Variants in COLGALT2 observed in about 807,000 individuals in gnomAD.
COLGALT2 encodes procollagen galactosyltransferase 2.
Under a neutral mutation model 73.4 loss-of-function variants are expected in COLGALT2, and 49 were observed. That is an observed-to-expected ratio of 0.67 (90% CI 0.53 to 0.85). COLGALT2 has a LOEUF of 0.85. Ranked by LOEUF, COLGALT2 falls within the 40% of genes least tolerant of loss-of-function variation. The pLI, the probability that COLGALT2 is intolerant of heterozygous loss-of-function variation, is 0.00. For synonymous variants in COLGALT2, 295 were observed against 307.6 expected (o/e 0.96, Z 0.43); for missense variants, 722 against 790.2 (o/e 0.91, Z 1.03).
At chr1:184,032,558 G>A (rs1649548329) in intron 1 of COLGALT2, among the ~76,000 whole-genome samples, 1 of 152,166 alleles carries the variant, frequency 6.6e-6, no homozygotes, top group African/African-American at 2.4e-5. Context: ...TCCAACTCTG[G>A]TTGATGCCCT....
At chr1:183,940,486 C>A (rs1457550863) in intron 11 of COLGALT2, 95 bp downstream of exon 11, 3 of 1,130,610 alleles carry the variant, frequency 2.7e-6, no homozygotes, top group African/African-American at 1.5e-5. Context: ...GAAAGCAGTA[C>A]AACTTTAGAA....
chr1:183,966,208 A>G (rs1670867033), intron 5 of COLGALT2, among the ~76,000 whole-genome samples: 2 of 152,206 alleles, frequency 1.3e-5, no homozygotes, highest in African/African-American at 2.4e-5. Flanking sequence ...AGAAAATTTA[A>G]AAGAAAATGT....
At chr1:184,035,968 C>T (rs747190876) in intron 1 of COLGALT2, among the ~76,000 whole-genome samples, 41 of 152,226 alleles carry the variant, frequency 2.7e-4, no homozygotes, top group Non-Finnish European at 3.2e-4. Flanking sequence ...TCTGAGGCTG[C>T]CAATTCTAGC....
chr1:184,012,126 T>C (rs1241429014), intron 1 of COLGALT2, among the ~76,000 whole-genome samples: 5 of 152,348 alleles, frequency 3.3e-5, no homozygotes, highest in Non-Finnish European at 5.9e-5. Context: ...CTCTCATGCA[T>C]CTAGACCATC....
intron 5 of COLGALT2, 75 bp downstream of exon 5, chr1:183,969,193 TA>T: frequency 8.3e-7 from 1 of 1,206,306 alleles, no homozygotes. Context: ...TTTTTTTTAA[TA>T]AAATGCACAA....
rs759314877 is a variant in COLGALT2, at chr1:183,938,736, T to C, written c.*25A>G. On this transcript the variant is annotated 3_prime_UTR_variant, in exon 12 of 12. Transcript: ENST00000361927. The stretch of plus-strand genomic sequence containing the variant: ...GAAAAACCAGAGGATGTTGAACTGA[T>C]GTGGGCCACACTCCCAGGGAGCCTT... The C allele has an allele frequency of 2.5e-6, 4 of 1,611,922 alleles. No individual in the cohort carries two copies. In the East Asian group the frequency reaches 8.9e-5, roughly 36 times the overall value.
chr1:183,956,598 T>C (rs997481777), intron 6 of COLGALT2, among the ~76,000 whole-genome samples: 2 of 152,188 alleles, frequency 1.3e-5, no homozygotes, highest in Admixed American at 6.5e-5. Flanking sequence ...ATGTTATATT[T>C]TGAGTTACCC....
chr1:183,940,512 C>T, intron 11 of COLGALT2, 69 bp downstream of exon 11: 5 of 1,347,672 alleles, frequency 3.7e-6, no homozygotes, highest in Non-Finnish European at 5.3e-6. Context: ...CAAGTACTAC[C>T]AGAAATGGAG....
chr1:184,030,091 T>A (rs1272311498), intron 1 of COLGALT2, among the ~76,000 whole-genome samples: 4 of 152,244 alleles, frequency 2.6e-5, no homozygotes, highest in South Asian at 2.1e-4. Context: ...ATACTTTTTT[T>A]ATTACTTTCC....
intron 1 of COLGALT2, among the ~76,000 whole-genome samples, chr1:183,993,845 C>T (rs1671695795): frequency 6.6e-6 from 1 of 152,198 alleles, no homozygotes; most frequent in South Asian, 2.1e-4. Flanking sequence ...GGGAATTAGG[C>T]ATTACCAGAG....
intron 1 of COLGALT2, among the ~76,000 whole-genome samples, chr1:183,997,329 CT>C (rs531231028): frequency 1.2e-3 from 184 of 152,234 alleles, no homozygotes; most frequent in African/African-American, 4.3e-3. Flanking sequence ...TAAATGAACC[CT>C]TGTACATACC....
chr1:183,992,150 T>C (rs1671646629), intron 1 of COLGALT2, among the ~76,000 whole-genome samples: 1 of 152,214 alleles, frequency 6.6e-6, no homozygotes, highest in Non-Finnish European at 1.5e-5. Context: ...TATGATGTAG[T>C]ATTCTTACTA....
At chr1:183,947,544 T>A (rs922695105) in intron 8 of COLGALT2, among the ~76,000 whole-genome samples, 6 of 152,088 alleles carry the variant, frequency 3.9e-5, no homozygotes, top group Non-Finnish European at 8.8e-5. Context: ...AATTAGAAAA[T>A]ATTTTGAGAT....
In COLGALT2 at chr1:184,037,606, C is replaced by T. The variant is rs936877530; in HGVS notation, c.-249G>A. 1.9e-6 allele frequency: 2 copies of T among 1,075,330 alleles called. No homozygotes were observed. The highest frequency in any genetic ancestry group is 1.7e-5 in the African/African-American group (1 of 59,668). The allele number at this position is 1,075,330 out of a possible 1,614,324, so 66.6% of individuals were successfully genotyped here. On this transcript the variant is annotated 5_prime_UTR_variant, in exon 1 of 12. Transcript: ENST00000361927. ...CTGCAGCCGCTGGCGCTCCCCTGCG[C>T]CTCGGGCTCGCAGACAGTAGTGGCC...
At chr1:184,012,849 A>C (rs1294338424) in intron 1 of COLGALT2, among the ~76,000 whole-genome samples, 1 of 152,228 alleles carries the variant, frequency 6.6e-6, no homozygotes, top group Non-Finnish European at 1.5e-5. Context: ...TATTGATGTG[A>C]AAATCTATTA....
At chr1:183,934,662 CTGTT>C (rs1237920543), downstream of COLGALT2, among the ~76,000 whole-genome samples, 3 of 152,204 alleles carry the variant, frequency 2.0e-5, no homozygotes, top group Non-Finnish European at 4.4e-5. Context: ...TTTCTTTCCT[CTGTT>C]TAGTTGGCAA....
chr1:183,940,754 C>T lies in COLGALT2; in HGVS notation c.1431G>A (p.Glu477=), dbSNP rs757139535. 79 of 1,614,112 alleles carry T rather than the reference C, an allele frequency of 4.9e-5. No homozygotes were observed. The highest frequency in any genetic ancestry group is 6.2e-5 in the Non-Finnish European group (73 of 1,180,038). ...YIGRKRMQVK[E]PEKAVPNVAN... ...CCACATTGGGCACTGCTTTCTCTGG[C>T]TCCTTTACTTGCATCCTCTTCCTAC... The change falls in exon 11 of 12, where the codon GAG becomes GAA. Residue 477 remains glutamate (E), a synonymous_variant. Transcript: ENST00000361927.
intron 1 of COLGALT2, among the ~76,000 whole-genome samples, chr1:184,015,841 T>A (rs1471531200): frequency 1.2e-4 from 18 of 152,216 alleles, no homozygotes; most frequent in Admixed American, 7.2e-4. Context: ...TACGTGAAAC[T>A]ATAAGGAGTC....
chr1:184,012,642 TCATCAAAAAAG>T (rs1281623341), intron 1 of COLGALT2, among the ~76,000 whole-genome samples: 1 of 152,176 alleles, frequency 6.6e-6, no homozygotes, highest in Non-Finnish European at 1.5e-5. Context: ...TCTATTCCTA[TCATCAAAAAAG>T]CAAAATAAGA....
Sources: allele counts gnomAD v4.1 joint callset (sites outside exome capture counted in the v4.1 genomes callset), GRCh38; gene constraint gnomAD v4.1.1; transcripts MANE v1.5; gene names NCBI Gene and HGNC (gene_info 2026-07-23, HGNC 2026-07-21).